The following MYT1L variants were observed in gnomAD, a reference collection of about 807,000 sequenced individuals.
MYT1L encodes the protein myelin transcription factor 1-like protein.
MYT1L carries 12 observed loss-of-function variants against 126.7 expected under a neutral mutation model. The observed-to-expected ratio is 0.09, with a 90% CI of 0.06 to 0.15. MYT1L has a LOEUF of 0.15. MYT1L is among the 10% of genes least tolerant of loss of function. The pLI is 1.00. For synonymous variants in MYT1L, 541 were observed against 604.2 expected, an observed-to-expected ratio of 0.90 and a Z score of 1.53; for missense variants, 979 against 1,585.2, an observed-to-expected ratio of 0.62 and a Z score of 6.49.
chr2:2,018,714 T>G (rs1297602119), intron 4 of MYT1L, among the ~76,000 whole-genome samples: 3 of 152,176 alleles, frequency 2.0e-5, no homozygotes, highest in Non-Finnish European at 2.9e-5. Flanking sequence ...CTGTGTCCTC[T>G]CCACTTGGTC....
intron 2 of MYT1L, among the ~76,000 whole-genome samples, chr2:2,196,614 TA>T (rs1214031478): frequency 6.6e-6 from 1 of 151,864 alleles, no homozygotes; most frequent in East Asian, 1.9e-4. Flanking sequence ...AACACACAAA[TA>T]GGGGGAAGTA....
chr2:1,964,625 A>T (rs185158659), intron 8 of MYT1L, among the ~76,000 whole-genome samples: 1 of 152,370 alleles, frequency 6.6e-6, no homozygotes, highest in East Asian at 1.9e-4. Context: ...ACTTAAAAAA[A>T]ATCTTAACTA....
intron 3 of MYT1L, among the ~76,000 whole-genome samples, chr2:2,111,529 G>T (rs889051351): frequency 6.6e-6 from 1 of 152,168 alleles, no homozygotes; most frequent in African/African-American, 2.4e-5. Flanking sequence ...GAGAATTTAG[G>T]GAATAAGAAA....
intron 22 of MYT1L, among the ~76,000 whole-genome samples, chr2:1,803,969 A>G (rs911756809): frequency 3.3e-5 from 5 of 152,198 alleles, no homozygotes; most frequent in African/African-American, 9.7e-5. Flanking sequence ...AAGCCCCCTC[A>G]GGGAGAGGAG....
chr2:2,119,333 A>G lies in MYT1L; in HGVS notation c.-304+53539T>C, dbSNP rs182647602. On this transcript the variant is annotated intron_variant, in intron 3 of 24. Coordinates refer to ENST00000647738, the MANE Select transcript of MYT1L (RefSeq NM_001303052.2). ...ACTTAAGAATTCATGCTTACAGTAA[A>G]TAAATAGTAATCTATGAAAAATGTA... 1.3e-3 allele frequency among the ~76,000 whole-genome samples: 195 copies of G among 152,372 alleles called. 1 individual carries two copies. Among genetic ancestry groups the G allele is most frequent in the African/African-American group, 4.4e-3 (184 of 41,592 alleles).
intron 3 of MYT1L, among the ~76,000 whole-genome samples, chr2:2,111,228 G>T (rs2079411586): frequency 1.3e-5 from 2 of 152,184 alleles, no homozygotes; most frequent in African/African-American, 4.8e-5. Context: ...TACACCTCAA[G>T]CCCTACCACT....
intron 3 of MYT1L, among the ~76,000 whole-genome samples, chr2:2,064,357 G>A (rs545479769): frequency 6.6e-6 from 1 of 152,336 alleles, no homozygotes; most frequent in Non-Finnish European, 1.5e-5. Flanking sequence ...CACCATCACA[G>A]TAAGGTTTGA....
chr2:1,925,036 G>GT (rs1233934003), intron 9 of MYT1L, among the ~76,000 whole-genome samples: 1 of 152,120 alleles, frequency 6.6e-6, no homozygotes, highest in Non-Finnish European at 1.5e-5. Flanking sequence ...TGCACAATAG[G>GT]TAAGTTTTAA....
chr2:1,916,920 T>A (rs2052923065), intron 11 of MYT1L, among the ~76,000 whole-genome samples: 2 of 152,208 alleles, frequency 1.3e-5, no homozygotes, highest in Admixed American at 1.3e-4. Context: ...GGAAGCAACC[T>A]GCCCAAGGTC....
At chr2:2,132,061 C>A (rs1334700641) in intron 3 of MYT1L, among the ~76,000 whole-genome samples, 1 of 151,712 alleles carries the variant, frequency 6.6e-6, no homozygotes. Context: ...GCAGGTGCCA[C>A]CACGCCCAGC....
At chr2:2,214,430 A>G (rs954124304) in intron 2 of MYT1L, among the ~76,000 whole-genome samples, 1 of 152,094 alleles carries the variant, frequency 6.6e-6, no homozygotes, top group African/African-American at 2.4e-5. Context: ...AAATAATCAA[A>G]TTTCTCGAAA....
At chr2:2,131,894 G>A (rs1439133439) in intron 3 of MYT1L, among the ~76,000 whole-genome samples, 1 of 148,130 alleles carries the variant, frequency 6.8e-6, no homozygotes, top group Admixed American at 6.7e-5. Context: ...GGACATGCAA[G>A]AGAGTTCATC....
chr2:1,998,104 G>T (rs1162405768), intron 4 of MYT1L, among the ~76,000 whole-genome samples: 1 of 152,184 alleles, frequency 6.6e-6, no homozygotes, highest in Non-Finnish European at 1.5e-5. Context: ...TGAGACACGG[G>T]TCAGGGAATT....
intron 21 of MYT1L, among the ~76,000 whole-genome samples, chr2:1,813,990 G>A (rs2037194602): frequency 3.0e-5 from 4 of 133,532 alleles, no homozygotes; most frequent in South Asian, 5.4e-4. Flanking sequence ...TCGCGCCACT[G>A]CACTCCAGCC....
intron 1 of MYT1L, among the ~76,000 whole-genome samples, chr2:2,316,614 G>A (rs1330745475): frequency 6.6e-6 from 1 of 152,212 alleles, no homozygotes; most frequent in African/African-American, 2.4e-5. Context: ...CTGCAGAGCT[G>A]CCACGGCACG....
At chr2:1,977,197 AGCGAATG>A (rs1386511617) in intron 8 of MYT1L, among the ~76,000 whole-genome samples, 3 of 152,198 alleles carry the variant, frequency 2.0e-5, no homozygotes, top group Non-Finnish European at 4.4e-5. Context: ...CTAACATCCC[AGCGAATG>A]GGTTCCTCTG....
chr2:2,306,904 GATAAGGATC>G (rs1289584893), intron 1 of MYT1L, among the ~76,000 whole-genome samples: 1 of 152,152 alleles, frequency 6.6e-6, no homozygotes, highest in Non-Finnish European at 1.5e-5. Flanking sequence ...GGTAGACAAT[GATAAGGATC>G]ATAAAAATAC....
chr2:2,243,008 G>A (rs532299126), intron 2 of MYT1L, among the ~76,000 whole-genome samples: 1 of 152,280 alleles, frequency 6.6e-6, no homozygotes, highest in African/African-American at 2.4e-5. Context: ...CAGGGTTCAG[G>A]AAGGTGCCCA....
intron 4 of MYT1L, among the ~76,000 whole-genome samples, chr2:2,004,036 TGCATTCTTTCCTGCATACTTTCCTGCAG>T (rs1460928448): frequency 1.1e-4 from 16 of 150,372 alleles, no homozygotes; most frequent in Admixed American, 8.6e-4. Context: ...CTTTCCTGCA[TGCATTCTTTCCTGCATACTTTCCTGCAG>T]GCGTTCTTTC....
Sources: gnomAD v4.1 joint callset for allele counts (sites outside exome capture counted in the v4.1 genomes callset) on GRCh38, gnomAD v4.1.1 for gene constraint, MANE v1.5 for transcripts, NCBI Gene and HGNC (gene_info 2026-07-23, HGNC 2026-07-21) for gene names.